BEST3: variants seen among roughly 807,000 people sequenced by gnomAD.
BEST3 encodes the protein bestrophin 3, also known as bestrophin-3.
In BEST3, 50 loss-of-function variants were observed where a neutral mutation model predicts 47.1. That is an observed-to-expected ratio of 1.06 (90% CI 0.85 to 1.34). The LOEUF is 1.34. Among genes scored for constraint, BEST3 ranks in the 40% most tolerant of loss-of-function variants. BEST3 has a pLI of 0.00. For synonymous variants in BEST3, 282 were observed against 298.8 expected, an observed-to-expected ratio of 0.94 and a Z score of 0.58; for missense variants, 765 against 817.0, an observed-to-expected ratio of 0.94 and a Z score of 0.78.
In BEST3 at chr12:69,697,725, C is replaced by G. The variant is rs368269235; in HGVS notation, c.74G>C (p.Arg25Thr). 5.6e-6 allele frequency: 9 copies of G among 1,613,300 alleles called. 1 individual carries two copies. The African/African-American group carries it at 9.3e-5, about 17-fold the overall frequency. ...GTACAGTAGTTTGTAGATGCTGCCT[C>G]TCCACTTGAGGAGTAACCTATGAAA... ...FGFHRLLLKW[R>T]GSIYKLLYRE... The change falls in exon 2 of 10, where the codon AGA (arginine) becomes ACA (threonine). Residue 25 changes from arginine (R) to threonine (T), a missense_variant. Arg to Thr is a moderately conservative substitution (Grantham distance 71). Coordinates refer to ENST00000330891, the MANE Select transcript of BEST3 (RefSeq NM_032735.3).
chr12:69,685,299 C>G (rs1443641191), intron 4 of BEST3, among the ~76,000 whole-genome samples: 1 of 152,152 alleles, frequency 6.6e-6, no homozygotes, highest in African/African-American at 2.4e-5. Flanking sequence ...TAATCACACA[C>G]AAGAAATAAC....
chr12:69,647,705 A>G (rs1369955848), intron 9 of BEST3, among the ~76,000 whole-genome samples: 1 of 152,182 alleles, frequency 6.6e-6, no homozygotes, highest in African/African-American at 2.4e-5. Flanking sequence ...ATGGGGAAGG[A>G]TTTCTCATAC....
At chr12:69,661,937 G>A (rs552143058) in intron 9 of BEST3, among the ~76,000 whole-genome samples, 1 of 152,258 alleles carries the variant, frequency 6.6e-6, no homozygotes, top group South Asian at 2.1e-4. Context: ...CCCTGGTTAT[G>A]TTCTCTTGGC....
rs754359170 is a variant in BEST3, at chr12:69,678,809, C to A, written c.566G>T (p.Gly189Val). 10 of 1,614,010 alleles carry A rather than the reference C, an allele frequency of 6.2e-6. No homozygotes were observed. The South Asian group carries it at 1.1e-4, about 18-fold the overall frequency. Residue 189 changes from glycine (G) to valine (V), a missense_variant, in exon 5 of 10, where the codon GGA becomes GTA. Gly to Val is a moderately radical substitution (Grantham distance 109, BLOSUM62 -3). Transcript: ENST00000330891. ...ATTCCGGGCTTTAGTTGCAAGATTTCCAAACCAGATGAATGGAACCCAATA... is the reference window on the plus strand; with the variant it reads ...ATTCCGGGCTTTAGTTGCAAGATTTACAAACCAGATGAATGGAACCCAATA... ...LKYWVPFIWFGNLATKARNEG... is the reference protein window; with the variant it reads ...LKYWVPFIWFVNLATKARNEG...
intron 7 of BEST3, among the ~76,000 whole-genome samples, chr12:69,675,660 G>A (rs943140043): frequency 6.6e-6 from 1 of 152,202 alleles, no homozygotes; most frequent in Non-Finnish European, 1.5e-5. Flanking sequence ...GAAAATGAAA[G>A]TCATTAGTCT....
chr12:69,657,444 T>C (rs1220770421), intron 9 of BEST3, among the ~76,000 whole-genome samples: 2 of 152,144 alleles, frequency 1.3e-5, no homozygotes, highest in Non-Finnish European at 2.9e-5. Flanking sequence ...AATGAATAAT[T>C]GAGGTGAGAT....
At position 69,680,549 on chromosome 12, in the gene BEST3, C is replaced by T. The variant is rs571362728; in HGVS notation, c.482-1656G>A. Among the ~76,000 whole-genome samples, 6 of 152,090 alleles carry T rather than the reference C, an allele frequency of 3.9e-5. No homozygotes were observed. The East Asian group carries it at 5.8e-4, about 15-fold the overall frequency. ...GTCTCAATCTCCTGACCTCGTGATC[C>T]GCCCTCCTCGGCCTCCCAAATTGCT... On this transcript the variant is annotated intron_variant, in intron 4 of 9. Transcript: ENST00000330891.
intron 4 of BEST3, chr12:69,684,682 C>T (rs1408260392): frequency 1.8e-5 from 10 of 552,600 alleles, no homozygotes; most frequent in East Asian, 1.5e-4. Context: ...AAGAGTGCAA[C>T]GTGCCTGGCT....
At chr12:69,649,269 A>AT (rs1379177194), downstream of BEST3, among the ~76,000 whole-genome samples, 2 of 152,240 alleles carry the variant, frequency 1.3e-5, no homozygotes, top group Non-Finnish European at 2.9e-5. Context: ...AAGTGCTGGG[A>AT]TTATTGGCAT....
chr12:69,684,613 AAGAG>A, intron 4 of BEST3: 1 of 669,280 alleles, frequency 1.5e-6, no homozygotes, highest in South Asian at 1.6e-5. Flanking sequence ...TTCTTTCTGA[AAGAG>A]AGAGTTGTGT....
downstream of BEST3, among the ~76,000 whole-genome samples, chr12:69,651,467 G>GA (rs35791493): frequency 4.9e-4 from 75 of 152,164 alleles, no homozygotes; most frequent in African/African-American, 1.7e-3. Context: ...TAAGAGCTCA[G>GA]AAAAATGACT....
chr12:69,689,561 C>G lies in BEST3; in HGVS notation c.481+4113G>C, dbSNP rs993528117. Among the ~76,000 whole-genome samples, 3 of 152,112 alleles carry G rather than the reference C, an allele frequency of 2.0e-5. No individual in the cohort carries two copies. In the South Asian group the frequency reaches 6.2e-4, roughly 32 times the overall value. ...ATATTCCTGTGGGGACAAGATGTAC[C>G]TACTACCTCTTTTCTGCCTTTTGAG... On this transcript the variant is annotated intron_variant, in intron 4 of 9. Transcript: ENST00000330891.
chr12:69,647,791 C>T (rs2135894667), intron 9 of BEST3, among the ~76,000 whole-genome samples: 1 of 152,190 alleles, frequency 6.6e-6, no homozygotes, highest in Non-Finnish European at 1.5e-5. Context: ...TCAACAAATA[C>T]CATGGATACT....
chr12:69,688,879 C>G (rs768642048), intron 4 of BEST3, among the ~76,000 whole-genome samples: 15 of 152,314 alleles, frequency 9.8e-5, no homozygotes, highest in Non-Finnish European at 1.9e-4. Flanking sequence ...GAGTCAGAAT[C>G]TCTGGGAGTG....
At chr12:69,693,496 C>G (rs1365005298) in intron 4 of BEST3, among the ~76,000 whole-genome samples, 178 bp downstream of exon 4, 1 of 152,110 alleles carries the variant, frequency 6.6e-6, no homozygotes, top group Non-Finnish European at 1.5e-5. Flanking sequence ...AACTCCTGAC[C>G]TCAGATGATC....
intron 8 of BEST3, 87 bp downstream of exon 8, chr12:69,672,798 G>T: frequency 1.1e-6 from 1 of 931,818 alleles, no homozygotes; most frequent in South Asian, 1.6e-5. Flanking sequence ...TGAAGCCAAG[G>T]GGTGTGCATT....
At chr12:69,672,078 C>T (rs996625101) in intron 8 of BEST3, among the ~76,000 whole-genome samples, 2 of 152,344 alleles carry the variant, frequency 1.3e-5, no homozygotes, top group Admixed American at 6.5e-5. Context: ...CTATACTGCT[C>T]AGTGCTATGG....
At position 69,671,483 on chromosome 12, in the gene BEST3, A is replaced by C; in HGVS notation, c.1045T>G (p.Leu349Val). ...GGTATGCAGTAGTCAGCAGCTGCCAATGTGTATGGTGGGCGAGCAGCAGAA... is the reference window on the plus strand; with the variant it reads ...GGTATGCAGTAGTCAGCAGCTGCCACTGTGTATGGTGGGCGAGCAGCAGAA... Reference protein sequence around the residue: ...DDSAARPPYTLAAADYCIPSF... With the variant: ...DDSAARPPYTVAAADYCIPSF... The change falls in exon 9 of 10, where the codon TTG becomes GTG. Residue 349 changes from leucine to valine, a missense_variant. Coordinates refer to ENST00000330891, the MANE Select transcript of BEST3 (RefSeq NM_032735.3). 1.2e-6 allele frequency: 2 copies of C among 1,614,008 alleles called. No homozygotes were observed. The highest frequency in any genetic ancestry group is 1.7e-6 in the Non-Finnish European group (2 of 1,179,952).
intron 3 of BEST3, 194 bp downstream of exon 3, chr12:69,694,176 T>C (rs1886043692): frequency 3.5e-6 from 2 of 571,496 alleles, no homozygotes; most frequent in East Asian, 2.9e-5. Context: ...AGCAGATTAT[T>C]TCCTCAAACT....
Sources: gnomAD v4.1 joint callset for allele counts (sites outside exome capture counted in the v4.1 genomes callset) on GRCh38, gnomAD v4.1.1 for gene constraint, MANE v1.5 for transcripts, NCBI Gene and HGNC (gene_info 2026-07-23, HGNC 2026-07-21) for gene names.